Variants in MACROD2 observed in about 807,000 individuals in gnomAD.
MACROD2 encodes mono-ADP ribosylhydrolase 2, also known as ADP-ribose glycohydrolase MACROD2.
A neutral mutation model predicts 70.4 loss-of-function variants in MACROD2; 36 were observed. That is an observed-to-expected ratio of 0.51 (90% CI 0.39 to 0.68). The LOEUF (loss-of-function observed/expected upper bound fraction) is 0.68. Ranked by LOEUF, MACROD2 falls within the 30% of genes least tolerant of loss-of-function variation. The probability of loss-of-function intolerance (pLI) is 0.00; values close to 1 mark genes in which losing one functional copy is unlikely to be tolerated. For missense variants in MACROD2, 496 were observed against 538.4 expected, an observed-to-expected ratio of 0.92 and a Z score of 0.78; for synonymous variants, 172 against 178.8, an observed-to-expected ratio of 0.96 and a Z score of 0.30.
In MACROD2 at chr20:15,543,775, C is replaced by CT. The variant is rs1162107498; in HGVS notation, c.645+43929dup. Among the ~76,000 whole-genome samples the CT allele has an allele frequency of 2.0e-5, 3 of 152,212 alleles. No homozygotes were observed. The East Asian group carries it at 5.8e-4, about 29-fold the overall frequency. The stretch of plus-strand genomic sequence containing the variant: ...AGCCTCAGCTGTGTCTGGAAGTCAG[C>CT]TGGTCATTGACTGACTAAGGCTAGG... On this transcript the variant is annotated intron_variant, in intron 8 of 17. Transcript: ENST00000684519.
intron 8 of MACROD2, among the ~76,000 whole-genome samples, chr20:15,647,722 A>ATTT (rs34556344): frequency 0.42 from 59,176 of 142,206 alleles, 14,434 homozygotes; most frequent in Non-Finnish European, 0.55. Flanking sequence ...ACAATAGATG[A>ATTT]TTTTTTTTTT....
At position 15,399,601 on chromosome 20, in the gene MACROD2, G is replaced by A. The variant is rs116374697; in HGVS notation, c.541-31804G>A. Among the ~76,000 whole-genome samples the A allele has an allele frequency of 8.6e-3, 1,314 of 152,164 alleles. 31 individuals carry two copies. Among genetic ancestry groups the A allele is most frequent in the African/African-American group, 0.03 (1,251 of 41,498 alleles). ...TTGTGCCTGTTATCCAGTCTTTAGC[G>A]TAGCTAGATTTGAGCCACCCAAATG... On this transcript the variant is annotated intron_variant, in intron 6 of 17. Transcript: ENST00000684519.
chr20:15,616,561 C>G lies in MACROD2; in HGVS notation c.645+116714C>G, dbSNP rs919125482. On this transcript the variant is annotated intron_variant, in intron 8 of 17. Coordinates refer to ENST00000684519, the MANE Select transcript of MACROD2 (RefSeq NM_001351661.2). ...GTTTTTCACCTCAGCAGGCCTGTTA[C>G]TCTGGTAAACGCCCCAGGACATGAC... Among the ~76,000 whole-genome samples, 3 of 152,174 alleles carry G rather than the reference C, an allele frequency of 2.0e-5. 1 individual carries two copies. The highest frequency in any genetic ancestry group is 1.5e-5 in the Non-Finnish European group (1 of 68,026).
intron 8 of MACROD2, among the ~76,000 whole-genome samples, chr20:15,673,795 A>AAC (rs1555858587): frequency 2.7e-5 from 4 of 150,758 alleles, no homozygotes; most frequent in Non-Finnish European, 5.9e-5. Context: ...AAAAAAAAAA[A>AAC]CAGCCCTGAT....
At position 14,600,327 on chromosome 20, in the gene MACROD2, C is replaced by CATAT. The variant is rs769273379; in HGVS notation, c.302-84502_302-84499dup. Among the ~76,000 whole-genome samples the CATAT allele has an allele frequency of 4.0e-4, 51 of 128,750 alleles. 1 individual carries two copies. Among genetic ancestry groups the CATAT allele is most frequent in the South Asian group, 9.0e-4 (3 of 3,328 alleles). 84.5% of individuals were successfully genotyped at this position (128,750 alleles called of 152,430 possible). On this transcript the variant is annotated intron_variant, in intron 4 of 17. Coordinates refer to ENST00000684519, the MANE Select transcript of MACROD2 (RefSeq NM_001351661.2). ...GTAAAAAGTATGTAATATGCAGCTA[C>CATAT]ATATATATATATATATACACACACA...
At chr20:14,052,353 A>G (rs1373104398) in intron 2 of MACROD2, among the ~76,000 whole-genome samples, 1 of 152,166 alleles carries the variant, frequency 6.6e-6, no homozygotes, top group Non-Finnish European at 1.5e-5. Context: ...ATTAGCTATC[A>G]ATAACTCTTA....
intron 8 of MACROD2, among the ~76,000 whole-genome samples, chr20:15,633,568 A>AT (rs11476372): frequency 4.0e-4 from 60 of 149,208 alleles, no homozygotes; most frequent in Middle Eastern, 3.5e-3. Flanking sequence ...GCATCCGTGA[A>AT]TTTTTTTTTT....
chr20:15,612,029 AACATAATGGTGACCGACTG>A (rs1332873792), intron 8 of MACROD2, among the ~76,000 whole-genome samples: 4 of 151,716 alleles, frequency 2.6e-5, no homozygotes, highest in Non-Finnish European at 5.9e-5. Context: ...ACAGGGAGCT[AACATAATGGTGACCGACTG>A]GTGGAGTCGA....
chr20:15,805,518 C>G (rs1457073645), intron 8 of MACROD2, among the ~76,000 whole-genome samples: 1 of 151,204 alleles, frequency 6.6e-6, no homozygotes, highest in Non-Finnish European at 1.5e-5. Flanking sequence ...CTCTTTTTGC[C>G]CAGGCTGGAG....
At chr20:14,587,061 A>G (rs985834110) in intron 4 of MACROD2, among the ~76,000 whole-genome samples, 2 of 151,896 alleles carry the variant, frequency 1.3e-5, no homozygotes, top group Non-Finnish European at 2.9e-5. Flanking sequence ...AGGTTTTATT[A>G]TTCACTAACA....
intron 2 of MACROD2, among the ~76,000 whole-genome samples, chr20:14,015,127 A>G (rs1182353704): frequency 6.6e-6 from 1 of 151,730 alleles, no homozygotes; most frequent in African/African-American, 2.4e-5. Flanking sequence ...TTCCCAATCT[A>G]CTCTTGTAAA....
intron 13 of MACROD2, among the ~76,000 whole-genome samples, chr20:15,975,292 G>T (rs189890805): frequency 3.3e-5 from 5 of 152,226 alleles, no homozygotes; most frequent in Admixed American, 3.3e-4. Context: ...ATTCGTGGGA[G>T]ACTGAAAGGC....
chr20:15,251,353 C>T (rs758831022), intron 6 of MACROD2, among the ~76,000 whole-genome samples: 2 of 152,142 alleles, frequency 1.3e-5, no homozygotes, highest in Non-Finnish European at 2.9e-5. Flanking sequence ...CTTAAATGCT[C>T]CCCAGTGCAA....
At chr20:14,342,697 A>G (rs1228056026) in intron 3 of MACROD2, among the ~76,000 whole-genome samples, 1 of 152,210 alleles carries the variant, frequency 6.6e-6, no homozygotes, top group Non-Finnish European at 1.5e-5. Context: ...ATGCTACGTT[A>G]AACTGTTCTT....
At chr20:15,742,898 C>T (rs1035117153) in intron 8 of MACROD2, among the ~76,000 whole-genome samples, 11 of 152,182 alleles carry the variant, frequency 7.2e-5, no homozygotes, top group Non-Finnish European at 8.8e-5. Flanking sequence ...TCCAATATAA[C>T]TGTGATAATG....
intron 3 of MACROD2, among the ~76,000 whole-genome samples, chr20:14,414,025 C>T (rs1008977971): frequency 3.9e-5 from 6 of 152,160 alleles, no homozygotes; most frequent in Non-Finnish European, 5.9e-5. Flanking sequence ...AGCATTTCTT[C>T]TGCTATCTGC....
At chr20:14,525,413 G>A (rs2327859) in intron 4 of MACROD2, among the ~76,000 whole-genome samples, 124,760 of 152,232 alleles carry the variant, frequency 0.82, 51,528 homozygotes, top group East Asian at 1. Flanking sequence ...CAGGTGCTGC[G>A]TTAGTTACTA....
At chr20:15,073,703 A>G (rs921232181) in intron 5 of MACROD2, among the ~76,000 whole-genome samples, 3 of 152,194 alleles carry the variant, frequency 2.0e-5, no homozygotes, top group Non-Finnish European at 4.4e-5. Context: ...ATTCAACAGG[A>G]CTGAAACAAA....
chr20:14,014,860 G>A (rs1334546088), intron 2 of MACROD2, among the ~76,000 whole-genome samples: 3 of 151,760 alleles, frequency 2.0e-5, no homozygotes, highest in Non-Finnish European at 2.9e-5. Flanking sequence ...GAGTGCAATG[G>A]TGCAATCATG....
Sources: allele counts gnomAD v4.1 joint callset (sites outside exome capture counted in the v4.1 genomes callset), GRCh38; gene constraint gnomAD v4.1.1; transcripts MANE v1.5; gene names NCBI Gene and HGNC (gene_info 2026-07-23, HGNC 2026-07-21).